Variants in TMEM242 observed in about 807,000 individuals in gnomAD.
The protein encoded by TMEM242 is transmembrane protein 242.
TMEM242 carries 10 observed loss-of-function variants against 18.2 expected under a neutral mutation model. The observed-to-expected ratio is 0.55, with a 90% confidence interval of 0.34 to 0.93. The LOEUF is 0.93. Ranked by LOEUF, TMEM242 falls within the 40% of genes least tolerant of loss-of-function variation. The pLI is 0.02. For synonymous variants in TMEM242, 57 were observed against 69.9 expected (o/e 0.81, Z 0.92); for missense variants, 186 against 175.5 (o/e 1.06, Z -0.34).
In TMEM242 at chr6:157,300,235, C is replaced by T. The variant is rs587604961; in HGVS notation, c.328-7236G>A. 499 of 392,072 alleles carry T rather than the reference C, an allele frequency of 1.3e-3. 3 individuals are homozygous for T. Among genetic ancestry groups the T allele is most frequent in the South Asian group, 0.012 (463 of 39,454 alleles). The allele number at this position is 392,072 out of a possible 1,614,324, so 24.3% of individuals were successfully genotyped here. ...CACCTTCAGCCCTCTGTGGCGAGTG[C>T]GCAAGACACGCCCCCTGGCCCTCTA... is the stretch of plus-strand genomic sequence containing the variant. On this transcript the variant is annotated intron_variant, in intron 3 of 3. Coordinates refer to ENST00000400788, the MANE Select transcript of TMEM242 (RefSeq NM_018452.6).
chr6:157,311,297 C>T, intron 3 of TMEM242, among the ~76,000 whole-genome samples: 1 of 149,872 alleles, frequency 6.7e-6, no homozygotes, highest in Non-Finnish European at 1.5e-5. Flanking sequence ...CACCGAGCCT[C>T]ATTATAGTGT....
Position 157,292,829 on chromosome 6 carries a change from C to T in TMEM242, c.*72G>A. On this transcript the variant is annotated 3_prime_UTR_variant, in exon 4 of 4. Coordinates refer to ENST00000400788, the MANE Select transcript of TMEM242 (RefSeq NM_018452.6). ...TTCCTGGGAGAAATCAGTCCCAGTCCTTTTGCTGTCATGGTGTCTCCAGAG... is the reference window on the plus strand; with the variant it reads ...TTCCTGGGAGAAATCAGTCCCAGTCTTTTTGCTGTCATGGTGTCTCCAGAG... 2 of 1,219,752 alleles carry T rather than the reference C, an allele frequency of 1.6e-6. No individual in the cohort carries two copies. Among genetic ancestry groups the T allele is most frequent in the Non-Finnish European group, 2.4e-6 (2 of 832,262 alleles). 75.6% of individuals were successfully genotyped at this position (1,219,752 alleles called of 1,614,324 possible).
At chr6:157,311,282 G>GTGTT (rs1778070805) in intron 3 of TMEM242, among the ~76,000 whole-genome samples, 2 of 65,282 alleles carry the variant, frequency 3.1e-5, no homozygotes, top group Non-Finnish European at 6.1e-5. Flanking sequence ...GCCCCCGTGT[G>GTGTT]CACACACCGA....
At chr6:157,323,196 C>T (rs1373302333) in intron 1 of TMEM242, among the ~76,000 whole-genome samples, 2 of 152,180 alleles carry the variant, frequency 1.3e-5, no homozygotes, top group African/African-American at 4.8e-5. Flanking sequence ...GGGAGAATAG[C>T]TCGCGGGATC....
At chr6:157,318,074 ATT>A (rs1583576689) in intron 3 of TMEM242, 1 of 152,170 alleles carries the variant, frequency 6.6e-6, no homozygotes, top group East Asian at 1.9e-4. Context: ...AGATTTTAGG[ATT>A]TTTTCCAAAA....
intron 3 of TMEM242, among the ~76,000 whole-genome samples, chr6:157,307,924 C>G (rs782741312): frequency 6.6e-6 from 1 of 152,132 alleles, no homozygotes; most frequent in African/African-American, 2.4e-5. Context: ...GGGGCAGAAG[C>G]TGGTAGAGAT....
rs933338151 is a variant in TMEM242 at position 157,305,545 on chromosome 6, A to G, written c.328-12546T>C. Reference sequence around the variant, plus strand: ...GGCTGGGGCTATGTATCTGGACGGCATCAGATAGTACTGTTTGTTTTAAAG... The same window carrying G: ...GGCTGGGGCTATGTATCTGGACGGCGTCAGATAGTACTGTTTGTTTTAAAG... On this transcript the variant is annotated intron_variant, in intron 3 of 3. Transcript: ENST00000400788. The surrounding 1 kb of genome is among the most constrained non-coding windows in gnomAD (Gnocchi z 4.1). Among the ~76,000 whole-genome samples, 1 of 152,210 alleles carries G rather than the reference A, an allele frequency of 6.6e-6. No individual in the cohort carries two copies. Among genetic ancestry groups the G allele is most frequent in the Non-Finnish European group, 1.5e-5 (1 of 68,042 alleles).
chr6:157,298,567 G>C (rs1777782450), intron 3 of TMEM242, among the ~76,000 whole-genome samples: 1 of 152,156 alleles, frequency 6.6e-6, no homozygotes, highest in Non-Finnish European at 1.5e-5. Context: ...CAGCTGAAAG[G>C]CCGTCCCAGA....
intron 3 of TMEM242, among the ~76,000 whole-genome samples, chr6:157,311,326 A>G (rs375382663): frequency 1.1e-4 from 10 of 95,166 alleles, no homozygotes; most frequent in Admixed American, 1.0e-4. Flanking sequence ...GTGTTCACCT[A>G]GCCTCATCAT....
intron 3 of TMEM242, among the ~76,000 whole-genome samples, chr6:157,303,451 C>G (rs989752156): frequency 9.9e-5 from 15 of 152,136 alleles, no homozygotes; most frequent in African/African-American, 3.6e-4. Flanking sequence ...ATTTTCAAAG[C>G]CAATACCCAC....
intron 3 of TMEM242, among the ~76,000 whole-genome samples, chr6:157,315,829 A>G (rs1431012480): frequency 6.6e-6 from 1 of 152,130 alleles, no homozygotes; most frequent in Non-Finnish European, 1.5e-5. Context: ...AGCTCCCAAT[A>G]CCTCTCCTTC....
At chr6:157,321,544 A>G (rs1778496407) in intron 2 of TMEM242, among the ~76,000 whole-genome samples, 1 of 152,176 alleles carries the variant, frequency 6.6e-6, no homozygotes, top group Non-Finnish European at 1.5e-5. Flanking sequence ...TAGTACAAGC[A>G]TCTTAGTATC....
intron 2 of TMEM242, among the ~76,000 whole-genome samples, chr6:157,320,287 G>A (rs1369798160): frequency 6.6e-6 from 1 of 152,084 alleles, no homozygotes; most frequent in Non-Finnish European, 1.5e-5. Flanking sequence ...TTTCAATTAA[G>A]TGGGTTGTAT....
In TMEM242 at chr6:157,292,820, G is replaced by T; in HGVS notation, c.*81C>A. On this transcript the variant is annotated 3_prime_UTR_variant, in exon 4 of 4. Coordinates refer to ENST00000400788, the MANE Select transcript of TMEM242 (RefSeq NM_018452.6). The stretch of plus-strand genomic sequence containing the variant: ...CTGCCCATGTTCCTGGGAGAAATCA[G>T]TCCCAGTCCTTTTGCTGTCATGGTG... The T allele has an allele frequency of 3.6e-6, 4 of 1,111,096 alleles. No individual in the cohort carries two copies. The highest frequency in any genetic ancestry group is 5.4e-6 in the Non-Finnish European group (4 of 736,748). 68.8% of individuals were successfully genotyped at this position (1,111,096 alleles called of 1,614,324 possible).
At chr6:157,306,814 T>C (rs1777923703) in intron 3 of TMEM242, among the ~76,000 whole-genome samples, 1 of 152,150 alleles carries the variant, frequency 6.6e-6, no homozygotes, top group Admixed American at 6.5e-5. Context: ...AAGCCTAGAA[T>C]CTGTCAGTAT....
chr6:157,312,149 T>A (rs1778158828), intron 3 of TMEM242, among the ~76,000 whole-genome samples: 2 of 137,350 alleles, frequency 1.5e-5, no homozygotes, highest in Non-Finnish European at 3.2e-5. Context: ...CCTGGCCTCA[T>A]CATAGTGTCC....
chr6:157,313,337 A>G (rs1583571543), intron 3 of TMEM242, among the ~76,000 whole-genome samples: 1 of 151,982 alleles, frequency 6.6e-6, no homozygotes, highest in African/African-American at 2.4e-5. Context: ...GCCTCATCAT[A>G]GTGCCCCAGT....
chr6:157,316,486 A>G (rs1778393888), intron 3 of TMEM242, among the ~76,000 whole-genome samples: 1 of 152,224 alleles, frequency 6.6e-6, no homozygotes, highest in Non-Finnish European at 1.5e-5. Flanking sequence ...TAACAGCAAA[A>G]ATCATGAAAA....
intron 3 of TMEM242, among the ~76,000 whole-genome samples, chr6:157,296,714 A>T (rs1777754453): frequency 6.6e-6 from 1 of 151,996 alleles, no homozygotes. Context: ...AAACCAAGAC[A>T]TGAATGGTAC....
Sources: gnomAD v4.1 joint callset for allele counts (sites outside exome capture counted in the v4.1 genomes callset) on GRCh38, gnomAD v4.1.1 for gene constraint, Gnocchi (gnomAD v3.1) non-coding constraint, MANE v1.5 for transcripts, NCBI Gene and HGNC (gene_info 2026-07-23, HGNC 2026-07-21) for gene names.